Variants in ATP9B observed in about 807,000 individuals in gnomAD.
ATP9B encodes the protein probable phospholipid-transporting ATPase IIB.
ATP9B carries 110 observed loss-of-function variants against 146.1 expected under a neutral mutation model. The ratio of observed to expected loss-of-function variants is 0.75; its 90% CI spans 0.65 to 0.88. The LOEUF is 0.88. ATP9B is among the 40% of genes least tolerant of loss of function. The pLI, the probability that ATP9B is intolerant of heterozygous loss-of-function variation, is 0.00. For synonymous variants in ATP9B, 604 were observed against 569.7 expected, an observed-to-expected ratio of 1.06 and a Z score of -0.86; for missense variants, 1,499 against 1,496.4, an observed-to-expected ratio of 1.00 and a Z score of -0.03.
At chr18:79,106,426 G>A (rs1284808393) in intron 2 of ATP9B, among the ~76,000 whole-genome samples, 3 of 152,006 alleles carry the variant, frequency 2.0e-5, no homozygotes. Flanking sequence ...TGTATCCTTG[G>A]GGCTCATGCC....
chr18:79,335,119 G>A (rs1468972806), intron 17 of ATP9B, among the ~76,000 whole-genome samples: 1 of 152,226 alleles, frequency 6.6e-6, no homozygotes, highest in Non-Finnish European at 1.5e-5. Flanking sequence ...TCCAGAAGTG[G>A]CTTCTGCCGC....
chr18:79,236,524 A>G (rs1568464442), intron 11 of ATP9B, among the ~76,000 whole-genome samples: 2 of 152,168 alleles, frequency 1.3e-5, no homozygotes, highest in East Asian at 3.9e-4. Flanking sequence ...TCATGAAGAT[A>G]CTCTCTCATA....
intron 19 of ATP9B, 146 bp from the exon 20 acceptor site, chr18:79,342,122 T>A (rs2096862813): frequency 3.2e-6 from 2 of 631,938 alleles, no homozygotes; most frequent in Admixed American, 4.7e-5. Flanking sequence ...CTCCATTGTA[T>A]GTATGGAACA....
At chr18:79,340,168 C>G (rs974785666) in intron 19 of ATP9B, 3 of 152,180 alleles carry the variant, frequency 2.0e-5, no homozygotes, top group Non-Finnish European at 4.4e-5. Flanking sequence ...AGTCTACTTC[C>G]TACTTTATAT....
intron 12 of ATP9B, among the ~76,000 whole-genome samples, chr18:79,259,667 G>C (rs564258320): frequency 2.0e-5 from 3 of 152,270 alleles, no homozygotes; most frequent in South Asian, 4.1e-4. Flanking sequence ...AGACGGACCA[G>C]GGACCCCAAG....
At chr18:79,267,050 A>C (rs2096210601) in intron 12 of ATP9B, among the ~76,000 whole-genome samples, 1 of 152,086 alleles carries the variant, frequency 6.6e-6, no homozygotes, top group African/African-American at 2.4e-5. Flanking sequence ...CATAAGAAGA[A>C]GGCCATGTGA....
chr18:79,257,840 C>T (rs2096098060), intron 12 of ATP9B, among the ~76,000 whole-genome samples: 1 of 152,240 alleles, frequency 6.6e-6, no homozygotes, highest in South Asian at 2.1e-4. Flanking sequence ...TAGAATGTCA[C>T]ATGATGTTCC....
chr18:79,094,385 T>A (rs2074608214), intron 1 of ATP9B, among the ~76,000 whole-genome samples: 1 of 152,228 alleles, frequency 6.6e-6, no homozygotes, highest in African/African-American at 2.4e-5. Flanking sequence ...TTATGCTTTC[T>A]GAAAGTCAGG....
chr18:79,221,097 C>T (rs1568433890), intron 11 of ATP9B, among the ~76,000 whole-genome samples: 2 of 152,220 alleles, frequency 1.3e-5, no homozygotes, highest in African/African-American at 4.8e-5. Flanking sequence ...TGTTCCCTGA[C>T]TCTAGCAGAG....
At chr18:79,337,038 G>A (rs770750205) in intron 18 of ATP9B, among the ~76,000 whole-genome samples, 5 of 152,104 alleles carry the variant, frequency 3.3e-5, no homozygotes, top group Non-Finnish European at 7.4e-5. Flanking sequence ...TGTCCCCAGA[G>A]CCCATGCTGT....
intron 7 of ATP9B, among the ~76,000 whole-genome samples, chr18:79,157,778 T>C (rs1452335512): frequency 6.6e-6 from 1 of 152,232 alleles, no homozygotes; most frequent in East Asian, 1.9e-4. Flanking sequence ...ATCTAGGTTA[T>C]CTAATCTGCG....
chr18:79,159,214 TAAAA>T (rs140346186), intron 7 of ATP9B, among the ~76,000 whole-genome samples: 1 of 152,202 alleles, frequency 6.6e-6, no homozygotes, highest in Admixed American at 6.5e-5. Context: ...TCTGCTTGTT[TAAAA>T]AATCAGCTTT....
rs2146545957 is a variant in ATP9B at position 79,306,993 on chromosome 18, C to G, written c.1532C>G (p.Ser511Cys). Reference protein sequence around the residue: ...HVRDSYSQMQSQAGGNNTGST... With the variant: ...HVRDSYSQMQCQAGGNNTGST... Reference sequence around the variant, plus strand: ...ACGTTTCATATTCTAAAGATGCAGTCTCAAGCTGGTGGAAACAATACTGGT... The same window carrying G: ...ACGTTTCATATTCTAAAGATGCAGTGTCAAGCTGGTGGAAACAATACTGGT... Residue 511 changes from serine to cysteine, a missense_variant, in exon 15 of 30, where the codon TCT becomes TGT. Transcript: ENST00000426216. 8.7e-6 allele frequency: 14 copies of G among 1,614,070 alleles called. No homozygotes were observed. The highest frequency in any genetic ancestry group is 1.2e-5 in the Non-Finnish European group (14 of 1,179,940).
At position 79,096,538 on chromosome 18, in the gene ATP9B, G is replaced by A. The variant is rs750874362; in HGVS notation, c.182G>A (p.Gly61Asp). 6.2e-7 allele frequency: 1 copy of A among 1,613,990 alleles called. No individual in the cohort carries two copies. Among genetic ancestry groups the A allele is most frequent in the Non-Finnish European group, 8.5e-7 (1 of 1,179,924 alleles). The stretch of plus-strand genomic sequence containing the variant: ...ATGCCACTAATGATGTCTGAAGAAG[G>A]CTTTGAGAATGAGGAAAGTGATTAC... The part of the protein sequence containing the change: ...DEMPLMMSEE[G>D]FENEESDYHT... Residue 61 changes from glycine (G) to aspartate (D), a missense_variant, in exon 2 of 30, where the codon GGC becomes GAC. Transcript: ENST00000426216.
chr18:79,137,775 C>T (rs746891525), intron 5 of ATP9B, among the ~76,000 whole-genome samples: 18 of 152,298 alleles, frequency 1.2e-4, no homozygotes, highest in Middle Eastern at 3.4e-3. Context: ...CTTTTCTAGG[C>T]GTCCTCTCCT....
intron 11 of ATP9B, among the ~76,000 whole-genome samples, chr18:79,232,653 G>A (rs1220317652): frequency 1.3e-5 from 2 of 152,212 alleles, no homozygotes; most frequent in Non-Finnish European, 2.9e-5. Context: ...CCAGACTCAG[G>A]TATGACGCAG....
chr18:79,125,101 T>C (rs1261967667), intron 4 of ATP9B, among the ~76,000 whole-genome samples: 1 of 152,132 alleles, frequency 6.6e-6, no homozygotes, highest in Non-Finnish European at 1.5e-5. Flanking sequence ...AGTCAAGTGG[T>C]GGAAGGAAAT....
chr18:79,254,066 A>G (rs919433110), intron 12 of ATP9B: 3 of 152,234 alleles, frequency 2.0e-5, no homozygotes, highest in African/African-American at 7.2e-5. Context: ...GTAAAGACTA[A>G]TATTTTACCA....
chr18:79,290,257 G>A (rs972399511), intron 13 of ATP9B, among the ~76,000 whole-genome samples: 1 of 152,222 alleles, frequency 6.6e-6, no homozygotes. Flanking sequence ...CTTGAGCTGT[G>A]GTGGGCTCCA....
Sources: gnomAD v4.1 joint callset for allele counts (sites outside exome capture counted in the v4.1 genomes callset) on GRCh38, gnomAD v4.1.1 for gene constraint, MANE v1.5 for transcripts, NCBI Gene and HGNC (gene_info 2026-07-23, HGNC 2026-07-21) for gene names.